DYNC2LI1: variants seen among roughly 807,000 people sequenced by gnomAD.
DYNC2LI1 encodes cytoplasmic dynein 2 light intermediate chain 1.
DYNC2LI1 carries 45 observed loss-of-function variants against 51.9 expected under a neutral mutation model. The observed-to-expected ratio is 0.87, with a 90% CI of 0.68 to 1.11. The LOEUF (loss-of-function observed/expected upper bound fraction) is 1.11. Among genes scored for constraint, DYNC2LI1 ranks in the 50% most tolerant of loss-of-function variants. The pLI is 0.00. For synonymous variants in DYNC2LI1, 130 were observed against 137.8 expected (o/e 0.94, Z 0.40); for missense variants, 490 against 417.4 (o/e 1.17, Z -1.51).
intron 5 of DYNC2LI1, chr2:43,792,867 T>G: frequency 7.0e-7 from 1 of 1,421,476 alleles, no homozygotes; most frequent in East Asian, 2.6e-5. Context: ...TTCCATTGTG[T>G]AAACAAATAC....
intron 6 of DYNC2LI1, among the ~76,000 whole-genome samples, chr2:43,795,506 A>G (rs932907547): frequency 6.6e-6 from 1 of 152,186 alleles, no homozygotes; most frequent in East Asian, 1.9e-4. Flanking sequence ...CTGCCTCAAA[A>G]GAAAAAAAAA....
intron 10 of DYNC2LI1, among the ~76,000 whole-genome samples, chr2:43,802,529 A>T (rs1277382486): frequency 6.6e-6 from 1 of 152,152 alleles, no homozygotes; most frequent in Non-Finnish European, 1.5e-5. Flanking sequence ...ATGGAGACTG[A>T]TGTTTATGAT....
intron 7 of DYNC2LI1, among the ~76,000 whole-genome samples, chr2:43,796,392 T>G (rs781660743): frequency 2.6e-5 from 4 of 152,102 alleles, no homozygotes; most frequent in Non-Finnish European, 5.9e-5. Context: ...ACTTCCCAAC[T>G]TTTAAATGGA....
intron 5 of DYNC2LI1, among the ~76,000 whole-genome samples, chr2:43,792,476 T>G (rs895925347): frequency 6.6e-6 from 1 of 152,216 alleles, no homozygotes; most frequent in Admixed American, 6.5e-5. Flanking sequence ...TAACCATTTT[T>G]AAAAATACTC....
intron 6 of DYNC2LI1, among the ~76,000 whole-genome samples, chr2:43,795,419 G>T (rs540270420): frequency 1.3e-5 from 2 of 151,962 alleles, no homozygotes; most frequent in Non-Finnish European, 2.9e-5. Flanking sequence ...CAGGAGAATC[G>T]CTTGAACCTG....
chr2:43,775,128 A>G (rs1020940093), intron 1 of DYNC2LI1, among the ~76,000 whole-genome samples: 3 of 152,362 alleles, frequency 2.0e-5, no homozygotes, highest in African/African-American at 2.4e-5. Flanking sequence ...TGACAATCCT[A>G]TAAAGCTGAT....
chr2:43,797,751 C>G (rs1260977810), intron 8 of DYNC2LI1, among the ~76,000 whole-genome samples: 1 of 152,010 alleles, frequency 6.6e-6, no homozygotes, highest in African/African-American at 2.4e-5. Context: ...AACTCCTGAC[C>G]TCATGATCGA....
chr2:43,791,449 T>G (rs1300267304), intron 5 of DYNC2LI1, among the ~76,000 whole-genome samples: 1 of 152,158 alleles, frequency 6.6e-6, no homozygotes, highest in African/African-American at 2.4e-5. Flanking sequence ...TCCCAAGGGT[T>G]AATACCTCAT....
At chr2:43,823,048 G>C in the DYNC2LI1 span, 73 of 1,450,584 alleles carry the variant, frequency 5.0e-5, no homozygotes, top group African/African-American at 7.3e-4. Context: ...GGACCAGCTA[G>C]GGGGGTTCCC....
intron 3 of DYNC2LI1, among the ~76,000 whole-genome samples, chr2:43,785,618 C>T (rs1673489785): frequency 6.6e-6 from 1 of 151,954 alleles, no homozygotes; most frequent in African/African-American, 2.4e-5. Flanking sequence ...CCTGTAATCC[C>T]AGGTCCTTGG....
chr2:43,791,924 A>G (rs1455097699), intron 5 of DYNC2LI1, among the ~76,000 whole-genome samples: 1 of 152,212 alleles, frequency 6.6e-6, no homozygotes, highest in Non-Finnish European at 1.5e-5. Context: ...TAACAAAAGT[A>G]TTTCTAATAT....
chr2:43,822,474 C>CCCG, the DYNC2LI1 span: 10 of 708,440 alleles, frequency 1.4e-5, no homozygotes, highest in Non-Finnish European at 1.7e-5. Context: ...CTCCCCTCCC[C>CCCG]CAGGCCCCCC....
intron 4 of DYNC2LI1, among the ~76,000 whole-genome samples, chr2:43,789,214 T>G (rs780502119): frequency 1.3e-5 from 2 of 152,242 alleles, no homozygotes; most frequent in Non-Finnish European, 2.9e-5. Flanking sequence ...CGAGCTTCTG[T>G]CTTCCTAAAT....
At position 43,774,111 on chromosome 2, in the gene DYNC2LI1, G is replaced by C. The variant is rs374167361; in HGVS notation, c.-28G>C. ...AGGCTGGTCACTACTCCGAGCCTGT[G>C]ACGTTTGCGGCAGCCAGGCCGTCGA... On this transcript the variant is annotated 5_prime_UTR_variant, in exon 1 of 13. Coordinates refer to ENST00000260605, the MANE Select transcript of DYNC2LI1 (RefSeq NM_016008.4). The C allele has an allele frequency of 2.0e-5, 33 of 1,613,686 alleles. No individual in the cohort carries two copies. The highest frequency in any genetic ancestry group is 2.0e-4 in the Admixed American group (12 of 60,006).
chr2:43,814,184 G>A (rs1025498482), downstream of DYNC2LI1, among the ~76,000 whole-genome samples: 2 of 152,134 alleles, frequency 1.3e-5, no homozygotes, highest in Admixed American at 6.5e-5. Context: ...GTAGATACAG[G>A]AACTGAGTCT....
At chr2:43,784,114 A>G (rs1311206417) in intron 3 of DYNC2LI1, among the ~76,000 whole-genome samples, 1 of 151,752 alleles carries the variant, frequency 6.6e-6, no homozygotes, top group African/African-American at 2.4e-5. Context: ...TTGAATACAT[A>G]TATCTTATAA....
downstream of DYNC2LI1, among the ~76,000 whole-genome samples, chr2:43,813,791 C>G (rs1666640626): frequency 7.3e-6 from 1 of 136,168 alleles, no homozygotes; most frequent in African/African-American, 2.7e-5. Context: ...GATCTGGGCT[C>G]ACTGCAACCT....
chr2:43,779,655 A>T (rs1673184650), intron 2 of DYNC2LI1, among the ~76,000 whole-genome samples: 2 of 152,232 alleles, frequency 1.3e-5, no homozygotes, highest in African/African-American at 4.8e-5. Context: ...GAAGAGAGTG[A>T]TGGCTAAAGC....
At chr2:43,828,199 G>C in the DYNC2LI1 span, 6 of 1,592,188 alleles carry the variant, frequency 3.8e-6, no homozygotes, top group Non-Finnish European at 5.1e-6. Flanking sequence ...CATGAAAGAG[G>C]CAGCACACCG....
Sources: allele counts gnomAD v4.1 joint callset (sites outside exome capture counted in the v4.1 genomes callset), GRCh38; gene constraint gnomAD v4.1.1; transcripts MANE v1.5; gene names NCBI Gene and HGNC (gene_info 2026-07-23, HGNC 2026-07-21).